ATXN3: variants seen among roughly 807,000 people sequenced by gnomAD.
The protein encoded by ATXN3 is ataxin 3.
In ATXN3, 28 loss-of-function variants were observed where a neutral mutation model predicts 58.2. The ratio of observed to expected loss-of-function variants is 0.48; its 90% CI spans 0.36 to 0.66. The LOEUF (loss-of-function observed/expected upper bound fraction) is 0.66, where lower values mean the gene tolerates loss of function less well. ATXN3 is among the 30% of genes least tolerant of loss of function. The pLI is 0.00. For synonymous variants in ATXN3, 113 were observed against 138.5 expected, an observed-to-expected ratio of 0.82 and a Z score of 1.29; for missense variants, 321 against 422.1, an observed-to-expected ratio of 0.76 and a Z score of 2.10.
chr14:92,084,642 T>C (rs1231102868), intron 6 of ATXN3, among the ~76,000 whole-genome samples: 3 of 151,692 alleles, frequency 2.0e-5, no homozygotes, highest in African/African-American at 7.3e-5. Flanking sequence ...AGTGGTGCAA[T>C]ATTAGCTCAC....
chr14:92,089,332 CTTTTTTTTTTTTTTTT>C (rs1157498754), intron 5 of ATXN3, among the ~76,000 whole-genome samples: 2 of 60,738 alleles, frequency 3.3e-5, no homozygotes, highest in African/African-American at 1.5e-4. Flanking sequence ...GCTAAATACT[CTTTTTTTTTTTTTTTT>C]TTTTTTTTTA....
chr14:92,052,594 G>C (rs987003102), upstream of ATXN3, among the ~76,000 whole-genome samples: 19 of 151,950 alleles, frequency 1.3e-4, no homozygotes, highest in Non-Finnish European at 1.3e-4. Context: ...TATAGTAATT[G>C]AGCCTCCACT....
chr14:92,099,801 C>T (rs192665869), intron 1 of ATXN3, among the ~76,000 whole-genome samples: 2 of 151,806 alleles, frequency 1.3e-5, no homozygotes, highest in South Asian at 2.1e-4. Flanking sequence ...CCAAAAAGGT[C>T]GAGGCTACAG....
chr14:92,053,746 G>A (rs113252142), downstream of ATXN3, among the ~76,000 whole-genome samples: 18,188 of 151,798 alleles, frequency 0.12, 1,166 homozygotes, highest in African/African-American at 0.17. Context: ...TGATCCTCCC[G>A]CCTTGGCCTC....
rs2057693082 is a variant in ATXN3 at position 92,060,360 on chromosome 14, G to T, written c.*3960C>A. 6.7e-6 allele frequency: 1 copy of T among 150,258 alleles called. No homozygotes were observed. Among genetic ancestry groups the T allele is most frequent in the Non-Finnish European group, 1.5e-5 (1 of 67,790 alleles). The allele number at this position is 150,258 out of a possible 1,614,324, so 9.3% of individuals were successfully genotyped here. A position where few individuals can be genotyped will look rare whatever the true frequency, so the allele number is the denominator to read the frequency against. ...GGCACTCTGCAACCTCTGCCTCCTA[G>T]GCTCATGCGATTCTTAGCCTCCTGA... is the stretch of plus-strand genomic sequence containing the variant. On this transcript the variant is annotated 3_prime_UTR_variant, in exon 11 of 11. Coordinates refer to ENST00000644486, the MANE Select transcript of ATXN3 (RefSeq NM_004993.6).
chr14:92,070,765 T>TTTG, intron 10 of ATXN3, 170 bp downstream of exon 10: 3 of 1,339,170 alleles, frequency 2.2e-6, no homozygotes, highest in South Asian at 1.7e-5. Flanking sequence ...TTTTTTCTTT[T>TTTG]GGTAACTGCT....
chr14:92,075,158 T>TG, intron 9 of ATXN3, among the ~76,000 whole-genome samples: 1 of 43,486 alleles, frequency 2.3e-5, no homozygotes, highest in Non-Finnish European at 4.1e-5. Flanking sequence ...AATAGGGAGT[T>TG]TTTTTTTTTT....
At chr14:92,056,343 T>C (rs916023447), downstream of ATXN3, among the ~76,000 whole-genome samples, 1 of 152,342 alleles carries the variant, frequency 6.6e-6, no homozygotes, top group Non-Finnish European at 1.5e-5. Context: ...ACCAGGTTAC[T>C]GCCGGTATGT....
rs751466445 is a variant in ATXN3 at position 92,081,063 on chromosome 14, T to A, written c.776-2A>T. The A allele has an allele frequency of 6.3e-7, 1 of 1,582,852 alleles. No individual in the cohort carries two copies. Among genetic ancestry groups the A allele is most frequent in the Non-Finnish European group, 8.7e-7 (1 of 1,152,896 alleles). On this transcript the variant is annotated splice_acceptor_variant, in intron 8 of 10. Coordinates refer to ENST00000644486, the MANE Select transcript of ATXN3 (RefSeq NM_004993.6). LOFTEE classifies it high-confidence loss of function. ...CTTGAGATATGTTTCTGGAACTACCTGAAAACAAAACACAACACAACAAAA... is the reference window on the plus strand; with the variant it reads ...CTTGAGATATGTTTCTGGAACTACCAGAAAACAAAACACAACACAACAAAA...
In ATXN3 at chr14:92,061,144, C is replaced by G. The variant is rs1449150374; in HGVS notation, c.*3176G>C. 1 of 151,942 alleles carries G rather than the reference C, an allele frequency of 6.6e-6. No homozygotes were observed. The highest frequency in any genetic ancestry group is 1.5e-5 in the Non-Finnish European group (1 of 68,014). 9.4% of individuals were successfully genotyped at this position (151,942 alleles called of 1,614,324 possible). A position where few individuals can be genotyped will look rare whatever the true frequency, so the allele number is the denominator to read the frequency against. On this transcript the variant is annotated 3_prime_UTR_variant, in exon 11 of 11. Transcript: ENST00000644486. ...TCAACTTAATATTAAACAATATGGA[C>G]TACTGGTAGTTTTGTCTGCAATGAT...
intron 6 of ATXN3, among the ~76,000 whole-genome samples, chr14:92,083,747 T>C (rs959266192): frequency 6.6e-6 from 1 of 152,166 alleles, no homozygotes; most frequent in Non-Finnish European, 1.5e-5. Context: ...GGCTACAAAT[T>C]ATTGTTTCTG....
At position 92,064,863 on chromosome 14, in the gene ATXN3, A is replaced by C. The variant is rs370538321; in HGVS notation, c.992-449T>G. ...TCTATTTTGAAAAACTGTCAATTCA[A>C]AGGAAGTTGTAAAGATATTTAAGAG... On this transcript the variant is annotated intron_variant, in intron 10 of 10. Transcript: ENST00000644486. 2.6e-5 allele frequency among the ~76,000 whole-genome samples: 4 copies of C among 152,300 alleles called. No homozygotes were observed. In the East Asian group the frequency reaches 7.7e-4, roughly 29 times the overall value.
At chr14:92,090,986 T>C (rs2063662832) in intron 5 of ATXN3, among the ~76,000 whole-genome samples, 1 of 141,554 alleles carries the variant, frequency 7.1e-6, no homozygotes, top group African/African-American at 2.7e-5. Context: ...GGTGTCACTG[T>C]GTTGGGCCAA....
intron 2 of ATXN3, among the ~76,000 whole-genome samples, chr14:92,047,320 T>TGTAA (rs2057432312): frequency 6.6e-6 from 1 of 152,250 alleles, no homozygotes; most frequent in Non-Finnish European, 1.5e-5. Context: ...TGAGGTAACC[T>TGTAA]GTAAGACTTG....
At chr14:92,106,167 A>C (rs1187397464) in intron 1 of ATXN3, among the ~76,000 whole-genome samples, 1 of 151,996 alleles carries the variant, frequency 6.6e-6, no homozygotes, top group Non-Finnish European at 1.5e-5. Context: ...CTCTAGCTAG[A>C]CCCTAGGGAG....
chr14:92,078,078 G>A (rs976859478), intron 9 of ATXN3, among the ~76,000 whole-genome samples: 2 of 150,174 alleles, frequency 1.3e-5, no homozygotes, highest in African/African-American at 4.9e-5. Flanking sequence ...GGGTTCAAGC[G>A]ATTCTTCTGT....
intron 1 of ATXN3, among the ~76,000 whole-genome samples, chr14:92,100,342 A>C (rs2066484918): frequency 1.3e-5 from 2 of 152,168 alleles, no homozygotes; most frequent in South Asian, 2.1e-4. Context: ...CAAAAGCAGT[A>C]TTTTTGTGCC....
intron 1 of ATXN3, among the ~76,000 whole-genome samples, chr14:92,097,126 G>A (rs1321714327): frequency 6.6e-6 from 1 of 151,980 alleles, no homozygotes; most frequent in African/African-American, 2.4e-5. Context: ...AGCCAGGATG[G>A]TCTTGATCTC....
chr14:92,078,425 C>A (rs142189632), intron 9 of ATXN3, among the ~76,000 whole-genome samples: 1 of 151,944 alleles, frequency 6.6e-6, no homozygotes, highest in Admixed American at 6.6e-5. Context: ...TGCAATGGCA[C>A]GATCTCGGCT....
Sources: gnomAD v4.1 joint callset for allele counts (sites outside exome capture counted in the v4.1 genomes callset) on GRCh38, gnomAD v4.1.1 for gene constraint, MANE v1.5 for transcripts, NCBI Gene and HGNC (gene_info 2026-07-23, HGNC 2026-07-21) for gene names.